MYOM3: variants seen among roughly 807,000 people sequenced by gnomAD.
MYOM3 encodes the protein myomesin 3, also known as myomesin-3.
A neutral mutation model predicts 191.7 loss-of-function variants in MYOM3; 155 were observed. The observed-to-expected ratio is 0.81, with a 90% confidence interval of 0.71 to 0.92. The LOEUF (loss-of-function observed/expected upper bound fraction) is 0.92. MYOM3 is among the 40% of genes least tolerant of loss of function. The probability of loss-of-function intolerance (pLI) is 0.00; values close to 1 mark genes in which losing one functional copy is unlikely to be tolerated. For synonymous variants in MYOM3, 757 were observed against 762.9 expected, an observed-to-expected ratio of 0.99 and a Z score of 0.13; for missense variants, 1,889 against 1,890.6, an observed-to-expected ratio of 1.00 and a Z score of 0.02.
At chr1:24,094,832 G>T in intron 9 of MYOM3, 21 bp downstream of exon 9, 1 of 1,601,330 alleles carries the variant, frequency 6.2e-7, no homozygotes, top group South Asian at 1.1e-5. Context: ...GAGGCTGGGG[G>T]CCAGGACTGG....
rs1462750399 is a variant in MYOM3, at chr1:24,111,226, A to G, written c.-19+805T>C. On this transcript the variant is annotated intron_variant, in intron 1 of 36. Coordinates refer to ENST00000374434, the MANE Select transcript of MYOM3 (RefSeq NM_152372.4). The surrounding 1 kb of genome is among the most constrained non-coding windows in gnomAD (Gnocchi z 4.7). ...CCCCGCTTCCCTCTCTTGGGGTGCA[A>G]AAATCTGGGCCAGAGGTCCCACTGC... 6.6e-6 allele frequency among the ~76,000 whole-genome samples: 1 copy of G among 152,132 alleles called. No homozygotes were observed. Among genetic ancestry groups the G allele is most frequent in the Non-Finnish European group, 1.5e-5 (1 of 68,004 alleles).
rs1358472402 is a variant in MYOM3 at position 24,089,523 on chromosome 1, C to T, written c.1614+15G>A. 35 of 1,591,518 alleles carry T rather than the reference C, an allele frequency of 2.2e-5. No homozygotes were observed. The highest frequency in any genetic ancestry group is 2.7e-5 in the Non-Finnish European group (31 of 1,168,622). On this transcript the variant is annotated intron_variant, in intron 14 of 36. Transcript: ENST00000374434. ...TCTCAGGCTGGCCTGGGGCTGGGGC[C>T]TCGGGGTTCCCTACCTTCTCCAGGG...
chr1:24,072,034 G>C, intron 23 of MYOM3, 21 bp from the exon 24 acceptor site: 1 of 1,613,382 alleles, frequency 6.2e-7, no homozygotes, highest in East Asian at 2.2e-5. Context: ...GGGAAGTGAG[G>C]AAGAAACCAG....
intron 36 of MYOM3, among the ~76,000 whole-genome samples, chr1:24,058,423 C>T (rs1272536181): frequency 6.6e-6 from 1 of 152,098 alleles, no homozygotes; most frequent in Non-Finnish European, 1.5e-5. Context: ...GTCTCTTAAC[C>T]TGGGTTAAGG....
intron 29 of MYOM3, 169 bp downstream of exon 29, chr1:24,065,722 T>A: frequency 1.5e-6 from 1 of 676,414 alleles, no homozygotes; most frequent in South Asian, 1.6e-5. Context: ...CATACAATAT[T>A]ATTTATCTTG....
intron 18 of MYOM3, 70 bp from the exon 19 acceptor site, chr1:24,081,526 G>A (rs1033045237): frequency 8.3e-6 from 13 of 1,563,298 alleles, no homozygotes; most frequent in African/African-American, 6.8e-5. Flanking sequence ...GCAGTGGTGC[G>A]GGAGGGACTC....
At chr1:24,098,075 C>T (rs1372925029) in intron 6 of MYOM3, 64 bp from the exon 7 acceptor site, 1 of 1,060,296 alleles carries the variant, frequency 9.4e-7, no homozygotes, top group Admixed American at 1.7e-5. Flanking sequence ...ACACAAGTCC[C>T]CTGTGTGGGT....
At chr1:24,099,555 C>A in intron 6 of MYOM3, 125 bp downstream of exon 6, 1 of 715,838 alleles carries the variant, frequency 1.4e-6, no homozygotes, top group Non-Finnish European at 2.5e-6. Flanking sequence ...TTTTGACCAG[C>A]ACCCTAGAGA....
chr1:24,087,409 C>T lies in MYOM3; in HGVS notation c.1615-582G>A, dbSNP rs1248807944. 6.6e-6 allele frequency among the ~76,000 whole-genome samples: 1 copy of T among 152,246 alleles called. No individual in the cohort carries two copies. The highest frequency in any genetic ancestry group is 1.9e-4 in the East Asian group (1 of 5,160). ...AGACCAGGTCCCTGTCTGCCCAGAA[C>T]CCTCCCACGTCCCGCATCTCCCTCA... On this transcript the variant is annotated intron_variant, in intron 14 of 36. Transcript: ENST00000374434. The surrounding 1 kb of genome is among the most constrained non-coding windows in gnomAD (Gnocchi z 4.5).
rs913505445 is a variant in MYOM3 at position 24,061,991 on chromosome 1, C to T, written c.3889G>A (p.Ala1297Thr). Residue 1297 changes from alanine (A) to threonine (T), a missense_variant, in exon 33 of 37, where the codon GCA becomes ACA. Transcript: ENST00000374434. ...GAGAGCTGCCGGACTTCCTTCCCTG[C>T]AGCTATTTCCAGAGTGTATTTGCCC... ...DKGKYTLEIA[A>T]GKEVRQLSTD... is the part of the protein sequence containing the mutation. The T allele has an allele frequency of 1.2e-6, 2 of 1,614,206 alleles. No individual in the cohort carries two copies. The highest frequency in any genetic ancestry group is 2.2e-5 in the East Asian group (1 of 44,890).
chr1:24,084,422 C>A, intron 16 of MYOM3, 46 bp downstream of exon 16: 48 of 1,600,260 alleles, frequency 3.0e-5, no homozygotes, highest in Non-Finnish European at 4.0e-5. Context: ...TCAGGTATGT[C>A]TTTATAGCAG....
chr1:24,068,199 G>C, intron 26 of MYOM3, 24 bp downstream of exon 26: 1 of 1,596,874 alleles, frequency 6.3e-7, no homozygotes, highest in Non-Finnish European at 8.5e-7. Flanking sequence ...AGGGCTGGGC[G>C]GGGCGAGGCT....
intron 23 of MYOM3, among the ~76,000 whole-genome samples, chr1:24,073,619 C>T (rs1643558610): frequency 6.6e-6 from 1 of 152,078 alleles, no homozygotes; most frequent in Admixed American, 6.5e-5. Flanking sequence ...AATCCCAACA[C>T]TTTGGGAGGC....
At chr1:24,075,219 G>A (rs1643581590) in intron 22 of MYOM3, 100 bp downstream of exon 22, 1 of 1,202,488 alleles carries the variant, frequency 8.3e-7, no homozygotes, top group Non-Finnish European at 1.2e-6. Context: ...AACCATCATG[G>A]ATGGGTCCTG....
chr1:24,075,490 C>A lies in MYOM3; in HGVS notation c.2702-15G>T. The A allele has an allele frequency of 3.2e-6, 5 of 1,545,882 alleles. No individual in the cohort carries two copies. Among genetic ancestry groups the A allele is most frequent in the Non-Finnish European group, 4.4e-6 (5 of 1,149,248 alleles). Reference sequence around the variant, plus strand: ...CTCATGGGCACCTGAGGGCGAGATCCAACAGAGGGCAGCGGATGTTTATGC... The same window carrying A: ...CTCATGGGCACCTGAGGGCGAGATCAAACAGAGGGCAGCGGATGTTTATGC... On this transcript the variant is annotated splice_polypyrimidine_tract_variant and intron_variant, in intron 21 of 36. Transcript: ENST00000374434.
At chr1:24,107,950 C>G (rs1570890873) in intron 3 of MYOM3, 43 bp downstream of exon 3, 1 of 1,560,660 alleles carries the variant, frequency 6.4e-7, no homozygotes. Context: ...GACAGGATGG[C>G]CCCTCCTCAG....
intron 25 of MYOM3, 137 bp downstream of exon 25, chr1:24,070,980 A>C (rs1320954142): frequency 8.9e-7 from 1 of 1,123,200 alleles, no homozygotes; most frequent in East Asian, 2.4e-5. Context: ...CGTCCTCATC[A>C]CTGCAACAGC....
chr1:24,077,797 G>C (rs1206364924), intron 20 of MYOM3, among the ~76,000 whole-genome samples: 2 of 152,176 alleles, frequency 1.3e-5, no homozygotes, highest in African/African-American at 4.8e-5. Flanking sequence ...AGAAGCCGGT[G>C]CCAGATCACC....
intron 23 of MYOM3, among the ~76,000 whole-genome samples, chr1:24,072,952 A>G (rs1339492764): frequency 1.3e-5 from 2 of 152,230 alleles, no homozygotes; most frequent in African/African-American, 4.8e-5. Flanking sequence ...TGGCAGGGGC[A>G]GAGACCATGC....
Sources: allele counts gnomAD v4.1 joint callset (sites outside exome capture counted in the v4.1 genomes callset), GRCh38; gene constraint gnomAD v4.1.1; non-coding constraint Gnocchi (gnomAD v3.1); transcripts MANE v1.5; gene names NCBI Gene and HGNC (gene_info 2026-07-23, HGNC 2026-07-21).